ROBO1: variants seen among roughly 807,000 people sequenced by gnomAD.
The protein encoded by ROBO1 is roundabout homolog 1.
In ROBO1, 149 loss-of-function variants were observed where a neutral mutation model predicts 195.9. The ratio of observed to expected loss-of-function variants is 0.76; its 90% CI spans 0.67 to 0.87. ROBO1 has a LOEUF of 0.87. Among genes scored for constraint, ROBO1 ranks in the 40% least tolerant of loss-of-function variants. ROBO1 has a pLI of 0.00. For missense variants in ROBO1, 1,933 were observed against 2,068.3 expected, an observed-to-expected ratio of 0.93 and a Z score of 1.27; for synonymous variants, 816 against 733.2, an observed-to-expected ratio of 1.11 and a Z score of -1.82.
chr3:79,575,839 T>C (rs1223296226), intron 2 of ROBO1, among the ~76,000 whole-genome samples: 1 of 151,792 alleles, frequency 6.6e-6, no homozygotes, highest in African/African-American at 2.4e-5. Flanking sequence ...TATATCACAG[T>C]GTTTACAACA....
intron 3 of ROBO1, among the ~76,000 whole-genome samples, chr3:79,004,121 T>C (rs1236517519): frequency 6.6e-6 from 1 of 152,154 alleles, no homozygotes; most frequent in African/African-American, 2.4e-5. Flanking sequence ...AATATAACTG[T>C]TGAGTGCCCC....
At chr3:79,206,210 G>A (rs1055807097) in intron 2 of ROBO1, among the ~76,000 whole-genome samples, 1 of 152,088 alleles carries the variant, frequency 6.6e-6, no homozygotes, top group African/African-American at 2.4e-5. Context: ...TCACTTAGTA[G>A]CCATCTTGGT....
intron 1 of ROBO1, among the ~76,000 whole-genome samples, chr3:79,715,665 T>C (rs1470438794): frequency 6.6e-6 from 1 of 152,120 alleles, no homozygotes; most frequent in African/African-American, 2.4e-5. Flanking sequence ...GCATCTCCAA[T>C]GTATGTCTGT....
chr3:79,672,354 A>G (rs1946657482), intron 1 of ROBO1, among the ~76,000 whole-genome samples: 1 of 152,018 alleles, frequency 6.6e-6, no homozygotes, highest in Admixed American at 6.6e-5. Flanking sequence ...CAATCTTTGA[A>G]GACAGTTAAA....
chr3:78,779,908 T>C (rs1576150789), intron 4 of ROBO1, among the ~76,000 whole-genome samples: 1 of 152,256 alleles, frequency 6.6e-6, no homozygotes, highest in East Asian at 1.9e-4. Context: ...ATATACACCA[T>C]GGAATACTAT....
chr3:79,501,666 T>A (rs1940077348), intron 2 of ROBO1, among the ~76,000 whole-genome samples: 1 of 152,232 alleles, frequency 6.6e-6, no homozygotes, highest in African/African-American at 2.4e-5. Flanking sequence ...AAAAGATTAG[T>A]TTTTTATCCT....
chr3:79,075,680 A>G (rs140329063), intron 3 of ROBO1, among the ~76,000 whole-genome samples: 117 of 152,036 alleles, frequency 7.7e-4, no homozygotes, highest in Middle Eastern at 3.4e-3. Context: ...AACCTGGAAC[A>G]CAATTTCAGA....
chr3:79,372,203 C>CTTT (rs113427698), intron 2 of ROBO1, among the ~76,000 whole-genome samples: 2,489 of 143,170 alleles, frequency 0.017, 67 homozygotes, highest in African/African-American at 0.059. Flanking sequence ...TTCTAGCATT[C>CTTT]TTTTTTTTTT....
chr3:79,745,927 C>T (rs1382128150), intron 1 of ROBO1, among the ~76,000 whole-genome samples: 3 of 151,988 alleles, frequency 2.0e-5, no homozygotes, highest in South Asian at 2.1e-4. Flanking sequence ...TATATGTTCT[C>T]TTCACGTAAA....
At chr3:79,389,394 G>A (rs1002342771) in intron 2 of ROBO1, among the ~76,000 whole-genome samples, 3 of 152,052 alleles carry the variant, frequency 2.0e-5, no homozygotes, top group Admixed American at 1.3e-4. Context: ...CTTTGTGTGC[G>A]TTGCAGGGTA....
At chr3:79,658,667 A>G (rs9880911) in intron 1 of ROBO1, among the ~76,000 whole-genome samples, 89,272 of 151,940 alleles carry the variant, frequency 0.59, 26,610 homozygotes, top group African/African-American at 0.67. Context: ...CATACAATAT[A>G]TAATAATTAT....
chr3:78,729,879 A>G (rs1225798289), intron 5 of ROBO1, among the ~76,000 whole-genome samples: 1 of 152,212 alleles, frequency 6.6e-6, no homozygotes, highest in Non-Finnish European at 1.5e-5. Context: ...TTAATGTATT[A>G]TTTCCTTCAC....
At chr3:78,675,634 G>C (rs185148292) in intron 10 of ROBO1, among the ~76,000 whole-genome samples, 32 of 152,120 alleles carry the variant, frequency 2.1e-4, no homozygotes, top group Middle Eastern at 6.8e-3. Context: ...TGCCATTGCC[G>C]AGTTAGTTGT....
chr3:78,787,230 T>G (rs2083863277), intron 4 of ROBO1, among the ~76,000 whole-genome samples: 1 of 152,214 alleles, frequency 6.6e-6, no homozygotes, highest in Admixed American at 6.5e-5. Flanking sequence ...GACTGTTTAA[T>G]TCAGTAATCT....
intron 2 of ROBO1, among the ~76,000 whole-genome samples, chr3:79,385,876 C>G (rs1474984941): frequency 6.6e-6 from 1 of 152,012 alleles, no homozygotes; most frequent in Non-Finnish European, 1.5e-5. Flanking sequence ...AAAAAGTCAA[C>G]TTTTATACTG....
chr3:78,725,376 A>T (rs1461452244), intron 5 of ROBO1, among the ~76,000 whole-genome samples: 6 of 14,716 alleles, frequency 4.1e-4, no homozygotes, highest in Non-Finnish European at 2.2e-3. Flanking sequence ...GTCTCAGGTT[A>T]AAAAAAATGT....
chr3:79,560,556 T>TATATATACAC lies in ROBO1; in HGVS notation c.88+29267_88+29268insGTGTATATAT, dbSNP rs944214132. Among the ~76,000 whole-genome samples the TATATATACAC allele has an allele frequency of 5.6e-3, 668 of 119,792 alleles. 7 individuals are homozygous for TATATATACAC. Among genetic ancestry groups the TATATATACAC allele is most frequent in the African/African-American group, 0.02 (640 of 32,170 alleles). 78.6% of individuals were successfully genotyped at this position (119,792 alleles called of 152,430 possible). On this transcript the variant is annotated intron_variant, in intron 2 of 30. Coordinates refer to ENST00000464233, the MANE Select transcript of ROBO1 (RefSeq NM_002941.4). ...ATAATTATATATATATATATATATA[T>TATATATACAC]ATACACATACACATACATAAAAAAA...
At chr3:79,733,557 T>C (rs993080227) in intron 1 of ROBO1, among the ~76,000 whole-genome samples, 1 of 152,192 alleles carries the variant, frequency 6.6e-6, no homozygotes, top group African/African-American at 2.4e-5. Context: ...TGAATTGGAT[T>C]TAAATCTTTA....
At chr3:78,897,759 A>G (rs992893885) in intron 4 of ROBO1, among the ~76,000 whole-genome samples, 3 of 152,142 alleles carry the variant, frequency 2.0e-5, no homozygotes, top group Non-Finnish European at 4.4e-5. Context: ...ACATATCTAA[A>G]CAAGAAGAAA....
Sources: allele counts gnomAD v4.1 joint callset (sites outside exome capture counted in the v4.1 genomes callset), GRCh38; gene constraint gnomAD v4.1.1; transcripts MANE v1.5; gene names NCBI Gene and HGNC (gene_info 2026-07-23, HGNC 2026-07-21).